LCORL: variants seen among roughly 807,000 people sequenced by gnomAD.
LCORL encodes ligand dependent nuclear receptor corepressor like.
LCORL carries 41 observed loss-of-function variants against 141.8 expected under a neutral mutation model. That is an observed-to-expected ratio of 0.29 (90% CI 0.23 to 0.38). The LOEUF (loss-of-function observed/expected upper bound fraction) is 0.38. Ranked by LOEUF, LCORL falls within the 10% of genes least tolerant of loss-of-function variation. LCORL has a pLI of 1.00. For synonymous variants in LCORL, 618 were observed against 694.1 expected (o/e 0.89, Z 1.72); for missense variants, 1,759 against 2,035.0 (o/e 0.86, Z 2.61).
At chr4:17,979,919 A>C (rs1008696151) in intron 1 of LCORL, among the ~76,000 whole-genome samples, 2 of 152,164 alleles carry the variant, frequency 1.3e-5, no homozygotes, top group African/African-American at 4.8e-5. Flanking sequence ...AGAAAAAGAG[A>C]GATGAAATTG....
chr4:17,921,941 T>C (rs890774937), intron 4 of LCORL, among the ~76,000 whole-genome samples: 1 of 151,896 alleles, frequency 6.6e-6, no homozygotes, highest in Non-Finnish European at 1.5e-5. Flanking sequence ...TCTTCAGCTT[T>C]TGGACTCTTG....
At chr4:17,978,156 T>TA (rs1420472702) in intron 1 of LCORL, among the ~76,000 whole-genome samples, 8 of 152,230 alleles carry the variant, frequency 5.3e-5, no homozygotes, top group African/African-American at 1.9e-4. Context: ...TTACGAATCG[T>TA]ATTTTTCTGC....
intron 1 of LCORL, among the ~76,000 whole-genome samples, chr4:17,987,737 T>A (rs1719239153): frequency 6.6e-6 from 1 of 152,240 alleles, no homozygotes; most frequent in Non-Finnish European, 1.5e-5. Flanking sequence ...TAGTGACTAA[T>A]GATGTTGAAC....
At chr4:17,975,820 C>T (rs527890788) in intron 1 of LCORL, among the ~76,000 whole-genome samples, 7 of 152,192 alleles carry the variant, frequency 4.6e-5, no homozygotes, top group South Asian at 2.1e-4. Context: ...CCATGTAACA[C>T]GGAAAAGAAT....
chr4:18,000,259 C>T (rs775703694), intron 1 of LCORL, among the ~76,000 whole-genome samples: 1 of 151,498 alleles, frequency 6.6e-6, no homozygotes, highest in Admixed American at 6.6e-5. Context: ...TGTGGACACA[C>T]ACACATACAC....
intron 1 of LCORL, among the ~76,000 whole-genome samples, chr4:18,014,107 C>T (rs1000777007): frequency 1.3e-5 from 2 of 151,984 alleles, no homozygotes; most frequent in African/African-American, 4.8e-5. Context: ...CGTGCCCGGC[C>T]TGCAATTTAA....
At chr4:17,900,263 C>T (rs1254812325) in intron 5 of LCORL, among the ~76,000 whole-genome samples, 2 of 152,120 alleles carry the variant, frequency 1.3e-5, no homozygotes, top group African/African-American at 2.4e-5. Context: ...TATTTCTTCA[C>T]ATTCTATAAT....
chr4:17,892,606 T>G (rs748816371), intron 5 of LCORL, among the ~76,000 whole-genome samples: 17 of 150,802 alleles, frequency 1.1e-4, no homozygotes, highest in Non-Finnish European at 2.1e-4. Flanking sequence ...AATCTACTAT[T>G]TATTCACGAT....
At chr4:17,963,252 G>A (rs1714211253) in intron 2 of LCORL, among the ~76,000 whole-genome samples, 1 of 151,914 alleles carries the variant, frequency 6.6e-6, no homozygotes, top group Non-Finnish European at 1.5e-5. Context: ...ACTATTATGG[G>A]ACAAAATAGC....
intron 7 of LCORL, among the ~76,000 whole-genome samples, chr4:17,872,398 A>C (rs1027614310): frequency 1.4e-4 from 22 of 152,164 alleles, no homozygotes; most frequent in African/African-American, 5.3e-4. Context: ...TAACACTAAC[A>C]ATAGCTGGTG....
rs1728029001 is a variant in LCORL at position 17,884,492 on chromosome 4, A to G, written c.776+1576T>C. 1 of 1,546,440 alleles carries G rather than the reference A, an allele frequency of 6.5e-7. No individual in the cohort carries two copies. The highest frequency in any genetic ancestry group is 1.4e-5 in the African/African-American group (1 of 72,398). On this transcript the variant is annotated intron_variant, in intron 6 of 7. Transcript: ENST00000635767. This position sits in a 1 kb window ranked among gnomAD's most constrained non-coding sequence, Gnocchi z 4.4. Reference sequence around the variant, plus strand: ...TCTTGCCCACAAGGCTACTTTTTGCAGCACTGCACAAGTTTCTTTACTGTC... The same window carrying G: ...TCTTGCCCACAAGGCTACTTTTTGCGGCACTGCACAAGTTTCTTTACTGTC...
intron 7 of LCORL, among the ~76,000 whole-genome samples, chr4:17,848,303 A>T (rs1190982919): frequency 1.3e-5 from 2 of 152,208 alleles, no homozygotes; most frequent in Non-Finnish European, 2.9e-5. Context: ...TATCTTAGGA[A>T]GTGCTGGAAC....
At chr4:17,974,784 G>C (rs776284287) in intron 1 of LCORL, among the ~76,000 whole-genome samples, 6 of 152,010 alleles carry the variant, frequency 3.9e-5, no homozygotes, top group East Asian at 1.9e-4. Context: ...TTAAAAATCA[G>C]TAAAAAACTA....
At chr4:17,937,175 AACATT>A in intron 4 of LCORL, among the ~76,000 whole-genome samples, 1 of 152,188 alleles carries the variant, frequency 6.6e-6, no homozygotes, top group East Asian at 1.9e-4. Context: ...GCTCTGGGTT[AACATT>A]TTAGTCATTT....
intron 6 of LCORL, chr4:17,883,812 G>A (rs1281283272): frequency 6.4e-7 from 1 of 1,550,590 alleles, no homozygotes; most frequent in South Asian, 1.2e-5. Context: ...TTCTTCTTCG[G>A]AGGAGTCTTC....
At chr4:17,882,916 A>G in intron 6 of LCORL, 1 of 949,330 alleles carries the variant, frequency 1.1e-6, no homozygotes, top group Non-Finnish European at 1.3e-6. Context: ...TTATTTTTCA[A>G]ATGAAAAACA....
At chr4:17,865,760 C>A (rs1725569391) in intron 7 of LCORL, among the ~76,000 whole-genome samples, 1 of 152,148 alleles carries the variant, frequency 6.6e-6, no homozygotes, top group African/African-American at 2.4e-5. Flanking sequence ...GGCCCCACCC[C>A]ATACTCAATC....
At chr4:17,915,375 G>C (rs1377547725) in intron 4 of LCORL, among the ~76,000 whole-genome samples, 1 of 152,128 alleles carries the variant, frequency 6.6e-6, no homozygotes, top group Non-Finnish European at 1.5e-5. Context: ...CAATTCTCAG[G>C]TTACTGACCC....
At chr4:17,928,640 T>C (rs370807730) in intron 4 of LCORL, among the ~76,000 whole-genome samples, 7 of 152,128 alleles carry the variant, frequency 4.6e-5, no homozygotes, top group African/African-American at 1.7e-4. Context: ...TACTTAATGG[T>C]GAAAAGCTAA....
Sources: allele counts gnomAD v4.1 joint callset (sites outside exome capture counted in the v4.1 genomes callset), GRCh38; gene constraint gnomAD v4.1.1; non-coding constraint Gnocchi (gnomAD v3.1); transcripts MANE v1.5; gene names NCBI Gene and HGNC (gene_info 2026-07-23, HGNC 2026-07-21).